Variants in PEAR1 observed in about 807,000 individuals in gnomAD.
PEAR1 encodes platelet endothelial aggregation receptor 1.
A neutral mutation model predicts 131.2 loss-of-function variants in PEAR1; 113 were observed. The ratio of observed to expected loss-of-function variants is 0.86; its 90% CI spans 0.74 to 1.01. The LOEUF is 1.01. Ranked by LOEUF, PEAR1 falls within the 50% of genes least tolerant of loss-of-function variation. The pLI is 0.00. For missense variants in PEAR1, 1,408 were observed against 1,391.1 expected, an observed-to-expected ratio of 1.01 and a Z score of -0.19; for synonymous variants, 565 against 523.3, an observed-to-expected ratio of 1.08 and a Z score of -1.09.
rs767278901 is a variant in PEAR1, at chr1:156,914,076, G to C, written c.2938G>C (p.Glu980Gln). The part of the protein sequence containing the change: ...PQPQRDSGTY[E>Q]QPSPLIHDRD... The stretch of plus-strand genomic sequence containing the variant: ...GCCACAGAGAGACAGTGGCACCTAC[G>C]AGCAGCCCAGCCCCCTGATCCATGG... The change falls in exon 22 of 23, where the codon GAG becomes CAG. Residue 980 changes from glutamate to glutamine, a missense_variant. Coordinates refer to ENST00000292357, the MANE Select transcript of PEAR1 (RefSeq NM_001080471.3). 1.9e-6 allele frequency: 3 copies of C among 1,603,100 alleles called. No homozygotes were observed. The highest frequency in any genetic ancestry group is 3.4e-5 in the Admixed American group (2 of 58,836).
chr1:156,911,182 T>C (rs1651127389), intron 15 of PEAR1, among the ~76,000 whole-genome samples: 1 of 128,774 alleles, frequency 7.8e-6, no homozygotes, highest in South Asian at 2.8e-4. Context: ...TTTCTTTTCT[T>C]TCTTCTTTCT....
chr1:156,906,965 C>T (rs946284027), intron 6 of PEAR1, 85 bp downstream of exon 6: 2 of 1,498,622 alleles, frequency 1.3e-6, no homozygotes, highest in Non-Finnish European at 1.8e-6. Flanking sequence ...GTGACTCAGA[C>T]AGGGCCCCAA....
Position 156,914,714 on chromosome 1 carries a change from C to T in PEAR1, c.3030C>T (p.Pro1010=). Reference sequence around the variant, plus strand: ...TACCCCCCGGCCACTATGACTCACCCAAGAACAGCCACATCCCTGGACATT... The same window carrying T: ...TACCCCCCGGCCACTATGACTCACCTAAGAACAGCCACATCCCTGGACATT... ...PGLPPGHYDS[P]KNSHIPGHYD... is the part of the protein sequence containing the mutation. Residue 1010 remains proline, a synonymous_variant, in exon 23 of 23, where the codon CCC becomes CCT. Transcript: ENST00000292357. 1.2e-6 allele frequency: 2 copies of T among 1,614,088 alleles called. No homozygotes were observed. The highest frequency in any genetic ancestry group is 1.7e-4 in the Middle Eastern group (1 of 6,060).
chr1:156,898,893 G>C (rs1262008576), intron 1 of PEAR1, among the ~76,000 whole-genome samples: 3 of 152,236 alleles, frequency 2.0e-5, no homozygotes, highest in Non-Finnish European at 4.4e-5. Flanking sequence ...GGAAGACAGA[G>C]ACCAAGAAGC....
chr1:156,905,670 C>T (rs926022937), intron 4 of PEAR1, among the ~76,000 whole-genome samples: 12 of 152,138 alleles, frequency 7.9e-5, no homozygotes, highest in Non-Finnish European at 1.2e-4. Context: ...TCTCCATGTC[C>T]CTCAACAGTG....
rs1553269283 is a variant in PEAR1 at position 156,911,097 on chromosome 1, T to TCTTTCTTTCCTTC, written c.1951+363_1951+364insCTTCCTTTCTTTC. ...TCTTTCTTTCTTTCTTTCTTTCCTT[T>TCTTTCTTTCCTTC]CTTTCTTTCTTTTCTTTCTTCTTTC... On this transcript the variant is annotated intron_variant, in intron 15 of 22. Coordinates refer to ENST00000292357, the MANE Select transcript of PEAR1 (RefSeq NM_001080471.3). Among the ~76,000 whole-genome samples, 382 of 101,780 alleles carry TCTTTCTTTCCTTC rather than the reference T, an allele frequency of 3.8e-3. 15 individuals are homozygous for TCTTTCTTTCCTTC. The highest frequency in any genetic ancestry group is 0.017 in the African/African-American group (340 of 20,434). 66.8% of individuals were successfully genotyped at this position (101,780 alleles called of 152,430 possible).
At chr1:156,905,813 A>G (rs1204510494) in intron 4 of PEAR1, among the ~76,000 whole-genome samples, 1 of 151,630 alleles carries the variant, frequency 6.6e-6, no homozygotes, top group Non-Finnish European at 1.5e-5. Flanking sequence ...CTCTGTTGCT[A>G]TTGGTCTCTG....
At chr1:156,913,569 A>C (rs967637950) in intron 20 of PEAR1, 46 bp downstream of exon 20, 85 of 1,607,210 alleles carry the variant, frequency 5.3e-5, no homozygotes, top group Non-Finnish European at 7.0e-5. Flanking sequence ...GGATGTGTGC[A>C]GCCCAGATGC....
chr1:156,908,736 G>C lies in PEAR1; in HGVS notation c.1197G>C (p.Thr399=). The C allele has an allele frequency of 6.4e-6, 10 of 1,564,560 alleles. No homozygotes were observed. The highest frequency in any genetic ancestry group is 7.8e-6 in the Non-Finnish European group (9 of 1,158,488). ...GCAACGAGAGCTGCCCGCAGGACAC[G>C]CATGGGCCAGGGTGCCAGGAGCACT... is the stretch of plus-strand genomic sequence containing the variant. The part of the protein sequence containing the change: ...LHCNESCPQD[T]HGPGCQEHCL... The change falls in exon 10 of 23, where the codon ACG becomes ACC. Residue 399 remains threonine (T), a synonymous_variant. Transcript: ENST00000292357. The surrounding 1 kb of genome is among the most constrained non-coding windows in gnomAD (Gnocchi z 4.2).
chr1:156,900,358 C>G (rs757722703), intron 1 of PEAR1, among the ~76,000 whole-genome samples: 2 of 152,038 alleles, frequency 1.3e-5, no homozygotes, highest in Non-Finnish European at 2.9e-5. Context: ...GCAGCTCCCC[C>G]ACCCCATAAG....
intron 7 of PEAR1, 28 bp from the exon 8 acceptor site, chr1:156,907,887 G>A (rs749373035): frequency 6.3e-7 from 1 of 1,595,138 alleles, no homozygotes; most frequent in South Asian, 1.1e-5. Flanking sequence ...TGGGTGCCTG[G>A]GGCCCTGTTG....
In PEAR1 at chr1:156,911,171, C is replaced by T. The variant is rs1248966919; in HGVS notation, c.1951+428C>T. Among the ~76,000 whole-genome samples, 34 of 97,380 alleles carry T rather than the reference C, an allele frequency of 3.5e-4. 1 individual carries two copies. The highest frequency in any genetic ancestry group is 1.4e-3 in the African/African-American group (30 of 21,328). The allele number at this position is 97,380 out of a possible 152,430, so 63.9% of individuals were successfully genotyped here. Reference sequence around the variant, plus strand: ...TTCTTTCTTTTTCTTTCTTTCTTTCCTTTCTTTTCTTTCTTCTTTCTTTCT... The same window carrying T: ...TTCTTTCTTTTTCTTTCTTTCTTTCTTTTCTTTTCTTTCTTCTTTCTTTCT... On this transcript the variant is annotated intron_variant, in intron 15 of 22. Coordinates refer to ENST00000292357, the MANE Select transcript of PEAR1 (RefSeq NM_001080471.3).
At chr1:156,904,264 G>A (rs952124493) in intron 2 of PEAR1, among the ~76,000 whole-genome samples, 5 of 151,900 alleles carry the variant, frequency 3.3e-5, no homozygotes, top group Admixed American at 6.6e-5. Flanking sequence ...CTCTTTCCCC[G>A]TCCCTTAGTT....
At position 156,908,131 on chromosome 1, in the gene PEAR1, C is replaced by T; in HGVS notation, c.906C>T (p.Cys302=). 1.3e-6 allele frequency: 2 copies of T among 1,597,094 alleles called. No individual in the cohort carries two copies. Among genetic ancestry groups the T allele is most frequent in the Non-Finnish European group, 8.5e-7 (1 of 1,172,272 alleles). ...GCTCACTCAGCTAGGTGCCCAGGTG[C>T]CGGGAGGAGTGCCCGGTGGGCCGCT... ...RCAPGYTGDR[C]REECPVGRFG... The change falls in exon 9 of 23, where the codon TGC becomes TGT. Residue 302 remains cysteine (C), a synonymous_variant. Transcript: ENST00000292357. The surrounding 1 kb of genome is among the most constrained non-coding windows in gnomAD (Gnocchi z 4.2).
Position 156,902,760 on chromosome 1 carries a change from C to T in PEAR1, c.-9-1158C>T, listed in dbSNP as rs755863164. ...GGAGCCAGAGCAAGTTTTGGGAACA[C>T]GGAATGCAGACCCTGAAGCCGGCTG... On this transcript the variant is annotated intron_variant, in intron 1 of 22. Transcript: ENST00000292357. This position sits in a 1 kb window ranked among gnomAD's most constrained non-coding sequence, Gnocchi z 4.3. Among the ~76,000 whole-genome samples the T allele has an allele frequency of 3.3e-5, 5 of 152,112 alleles. No homozygotes were observed. The highest frequency in any genetic ancestry group is 6.5e-5 in the Admixed American group (1 of 15,278).
intron 4 of PEAR1, 46 bp downstream of exon 4, chr1:156,905,470 C>A (rs775889446): frequency 1.8e-5 from 27 of 1,511,642 alleles, no homozygotes; most frequent in Non-Finnish European, 2.1e-5. Flanking sequence ...CAATGGAATG[C>A]GGGGAGCTTA....
At position 156,913,644 on chromosome 1, in the gene PEAR1, C is replaced by T. The variant is rs553736386; in HGVS notation, c.2645-48C>T. On this transcript the variant is annotated intron_variant, in intron 20 of 22. Coordinates refer to ENST00000292357, the MANE Select transcript of PEAR1 (RefSeq NM_001080471.3). The stretch of plus-strand genomic sequence containing the variant: ...CCCCATTTCTAGAGGAAGTGTGAGC[C>T]GGGGGAGGGGACAGAGGGCTGATTA... 56 of 1,603,722 alleles carry T rather than the reference C, an allele frequency of 3.5e-5. 1 individual carries two copies. In the Admixed American group the frequency reaches 5.6e-4, roughly 16 times the overall value.
chr1:156,911,606 T>A (rs1651216563), intron 15 of PEAR1, among the ~76,000 whole-genome samples: 1 of 151,948 alleles, frequency 6.6e-6, no homozygotes, highest in African/African-American at 2.4e-5. Context: ...TTTTTTCTTT[T>A]GCATTTTTCA....
chr1:156,907,821 G>T, intron 7 of PEAR1, 91 bp downstream of exon 7: 2 of 1,569,204 alleles, frequency 1.3e-6, no homozygotes, highest in South Asian at 2.4e-5. Flanking sequence ...GAGTGAGGGG[G>T]GTGAGCTCTG....
Sources: allele counts gnomAD v4.1 joint callset (sites outside exome capture counted in the v4.1 genomes callset), GRCh38; gene constraint gnomAD v4.1.1; non-coding constraint Gnocchi (gnomAD v3.1); transcripts MANE v1.5; gene names NCBI Gene and HGNC (gene_info 2026-07-23, HGNC 2026-07-21).